RBFOX1: variants seen among roughly 807,000 people sequenced by gnomAD.
RBFOX1 encodes RNA binding protein fox-1 homolog 1.
A neutral mutation model predicts 57.7 loss-of-function variants in RBFOX1; 8 were observed. The ratio of observed to expected loss-of-function variants is 0.14; its 90% CI spans 0.08 to 0.25. The LOEUF is 0.25. Ranked by LOEUF, RBFOX1 falls within the 10% of genes least tolerant of loss-of-function variation. The pLI is 1.00. For missense variants in RBFOX1, 611 were observed against 548.5 expected, an observed-to-expected ratio of 1.11 and a Z score of -1.14; for synonymous variants, 326 against 222.4, an observed-to-expected ratio of 1.47 and a Z score of -4.15.
chr16:7,322,491 A>G (rs764725607), intron 4 of RBFOX1, among the ~76,000 whole-genome samples: 9 of 152,242 alleles, frequency 5.9e-5, no homozygotes, highest in Non-Finnish European at 8.8e-5. Flanking sequence ...CTTAGTAGAA[A>G]GTACAGCACA....
Position 6,487,122 on chromosome 16 carries a change from G to T in RBFOX1, c.-63-167481G>T, listed in dbSNP as rs142271646. Among the ~76,000 whole-genome samples, 1,240 of 150,102 alleles carry T rather than the reference G, an allele frequency of 8.3e-3. 15 individuals carry two copies. The highest frequency in any genetic ancestry group is 0.029 in the African/African-American group (1,176 of 40,376). On this transcript the variant is annotated intron_variant, in intron 2 of 15. Coordinates refer to ENST00000550418, the MANE Select transcript of RBFOX1 (RefSeq NM_018723.4). ...TAAAGTTTCTATGAAAAGTTGTGGG[G>T]TTTCAGTAAGTTGTGGGGTTTCTGT...
chr16:6,132,381 T>A (rs1006752970), intron 1 of RBFOX1, among the ~76,000 whole-genome samples: 1 of 152,226 alleles, frequency 6.6e-6, no homozygotes, highest in Non-Finnish European at 1.5e-5. Flanking sequence ...TACCACAGCA[T>A]GTAGATACCA....
chr16:6,042,102 C>CTTT (rs35458939), intron 1 of RBFOX1, among the ~76,000 whole-genome samples: 2 of 140,920 alleles, frequency 1.4e-5, no homozygotes, highest in African/African-American at 2.6e-5. Context: ...CTCTCTCCTA[C>CTTT]TTTTTTTTTT....
At chr16:7,357,496 T>G (rs1175039445) in intron 4 of RBFOX1, among the ~76,000 whole-genome samples, 1 of 152,212 alleles carries the variant, frequency 6.6e-6, no homozygotes, top group Admixed American at 6.5e-5. Flanking sequence ...ACAACTGTCC[T>G]GCTTACTGCT....
At chr16:5,833,018 A>C (rs2056332119) in intron 3 of RBFOX1, among the ~76,000 whole-genome samples, 1 of 152,178 alleles carries the variant, frequency 6.6e-6, no homozygotes, top group Non-Finnish European at 1.5e-5. Context: ...CCAACCCCCC[A>C]AAATGCATAG....
In RBFOX1 at chr16:5,758,936, T is replaced by G. The variant is rs373472825; in HGVS notation, c.319-108367T>G. On this transcript the variant is annotated intron_variant, in intron 3 of 19. Transcript: ENST00000641259. ...CCTCTTGTGTATATGCGAAAGGAAA[T>G]AGTTAGTGGGTTGTGAGAGGGGCAG... Among the ~76,000 whole-genome samples, 481 of 146,802 alleles carry G rather than the reference T, an allele frequency of 3.3e-3. 4 individuals are homozygous for G. Among genetic ancestry groups the G allele is most frequent in the Middle Eastern group, 0.017 (5 of 292 alleles).
intron 3 of RBFOX1, among the ~76,000 whole-genome samples, chr16:5,715,752 G>T (rs1397607357): frequency 1.3e-5 from 2 of 152,202 alleles, no homozygotes; most frequent in African/African-American, 4.8e-5. Context: ...AGATGCCTGT[G>T]CTGGAATGAG....
intron 3 of RBFOX1, among the ~76,000 whole-genome samples, chr16:6,786,267 G>C (rs1003505144): frequency 6.6e-6 from 1 of 152,104 alleles, no homozygotes; most frequent in African/African-American, 2.4e-5. Flanking sequence ...GCCAGGAGAC[G>C]GGGCTTTTTG....
chr16:7,108,816 C>G (rs922048125), intron 4 of RBFOX1, among the ~76,000 whole-genome samples: 6 of 152,136 alleles, frequency 3.9e-5, no homozygotes, highest in African/African-American at 7.2e-5. Flanking sequence ...TTTGTTGTAC[C>G]TAAATCCCCG....
At chr16:7,624,617 T>C (rs1221146080) in intron 10 of RBFOX1, among the ~76,000 whole-genome samples, 1 of 152,182 alleles carries the variant, frequency 6.6e-6, no homozygotes. Context: ...CACTACATCA[T>C]AGTTGCCTAG....
intron 3 of RBFOX1, among the ~76,000 whole-genome samples, chr16:6,822,834 A>G (rs964242870): frequency 1.3e-5 from 2 of 152,174 alleles, no homozygotes; most frequent in Non-Finnish European, 2.9e-5. Flanking sequence ...CAATAGCTGA[A>G]TCTTAGATCT....
At chr16:6,859,660 C>A (rs1403399115) in intron 3 of RBFOX1, among the ~76,000 whole-genome samples, 1 of 152,094 alleles carries the variant, frequency 6.6e-6, no homozygotes, top group East Asian at 1.9e-4. Context: ...GTGAGATACT[C>A]AATAATGGAA....
intron 2 of RBFOX1, among the ~76,000 whole-genome samples, chr16:6,375,987 C>T (rs1346678369): frequency 2.0e-5 from 3 of 152,162 alleles, no homozygotes; most frequent in African/African-American, 4.8e-5. Context: ...CCAGCTCCCC[C>T]TCTGTTTTGT....
intron 4 of RBFOX1, among the ~76,000 whole-genome samples, chr16:5,910,134 G>A (rs1387848098): frequency 3.3e-5 from 5 of 152,074 alleles, no homozygotes; most frequent in Non-Finnish European, 7.4e-5. Context: ...CTGCTCAGAG[G>A]CAACTTGATC....
chr16:5,522,234 G>A (rs1048418770), intron 2 of RBFOX1, among the ~76,000 whole-genome samples: 1 of 152,150 alleles, frequency 6.6e-6, no homozygotes. Context: ...TTTATTGCAT[G>A]GCCATGGACA....
intron 4 of RBFOX1, among the ~76,000 whole-genome samples, chr16:7,347,080 G>T (rs569922128): frequency 6.6e-6 from 1 of 152,322 alleles, no homozygotes; most frequent in East Asian, 1.9e-4. Flanking sequence ...GACATATTTT[G>T]CAGGCAAGTG....
chr16:6,415,883 A>C (rs1487902690), intron 2 of RBFOX1, among the ~76,000 whole-genome samples: 1 of 152,234 alleles, frequency 6.6e-6, no homozygotes, highest in Admixed American at 6.5e-5. Context: ...CATTTTCTGC[A>C]GATGGGTGCC....
intron 4 of RBFOX1, among the ~76,000 whole-genome samples, chr16:7,069,882 C>G (rs908467107): frequency 3.3e-5 from 5 of 152,188 alleles, no homozygotes; most frequent in African/African-American, 9.7e-5. Flanking sequence ...AGAATTTGCG[C>G]TTGAATTTTA....
At chr16:6,554,365 A>G (rs1156565507) in intron 2 of RBFOX1, among the ~76,000 whole-genome samples, 1 of 152,184 alleles carries the variant, frequency 6.6e-6, no homozygotes, top group African/African-American at 2.4e-5. Flanking sequence ...TGCGAAGTAG[A>G]TTAGTAATTG....
Sources: gnomAD v4.1 joint callset for allele counts (sites outside exome capture counted in the v4.1 genomes callset) on GRCh38, gnomAD v4.1.1 for gene constraint, MANE v1.5 for transcripts, NCBI Gene and HGNC (gene_info 2026-07-23, HGNC 2026-07-21) for gene names.